The following TEAD4 variants were observed in gnomAD, a reference collection of about 807,000 sequenced individuals.
The protein encoded by TEAD4 is transcriptional enhancer factor TEF-3.
In TEAD4, 36 loss-of-function variants were observed where a neutral mutation model predicts 52.4. The observed-to-expected ratio is 0.69, with a 90% CI of 0.53 to 0.91. The LOEUF is 0.91. TEAD4 is among the 40% of genes least tolerant of loss of function. TEAD4 has a pLI of 0.00. For synonymous variants in TEAD4, 220 were observed against 231.0 expected (o/e 0.95, Z 0.43); for missense variants, 508 against 583.9 (o/e 0.87, Z 1.34).
intron 2 of TEAD4, among the ~76,000 whole-genome samples, chr12:2,983,044 C>G (rs1324672778): frequency 6.6e-6 from 1 of 152,120 alleles, no homozygotes; most frequent in Non-Finnish European, 1.5e-5. Flanking sequence ...CTTTCCGTCT[C>G]CTGACATCCT....
chr12:3,025,601 A>G (rs1044402432), intron 10 of TEAD4, among the ~76,000 whole-genome samples: 11 of 152,006 alleles, frequency 7.2e-5, no homozygotes, highest in Middle Eastern at 3.4e-3. Context: ...CAGTGGCGCA[A>G]TCTTGGCTTA....
In TEAD4 at chr12:3,011,004, G is replaced by T; in HGVS notation, c.227G>T (p.Gly76Val). Residue 76 changes from glycine (G) to valine (V), a missense_variant and splice_region_variant, in exon 4 of 13, where the codon GGT becomes GTT. Gly to Val is a moderately radical substitution (Grantham distance 109). Coordinates refer to ENST00000359864, the MANE Select transcript of TEAD4 (RefSeq NM_003213.4). ...TGAGAGGCTGCTGGTGTCTCTGCAGGTCGGAACGAGCTGATTGCCCGCTAC... is the reference window on the plus strand; with the variant it reads ...TGAGAGGCTGCTGGTGTCTCTGCAGTTCGGAACGAGCTGATTGCCCGCTAC... 6.2e-7 allele frequency: 1 copy of T among 1,614,120 alleles called. No homozygotes were observed. Among genetic ancestry groups the T allele is most frequent in the Non-Finnish European group, 8.5e-7 (1 of 1,180,002 alleles).
chr12:2,999,639 C>T (rs1384377163), intron 3 of TEAD4, among the ~76,000 whole-genome samples: 1 of 152,236 alleles, frequency 6.6e-6, no homozygotes, highest in Non-Finnish European at 1.5e-5. Flanking sequence ...CCTTCTCCTG[C>T]TCACGGCCGC....
Position 3,040,579 on chromosome 12 carries a change from T to C in TEAD4, c.*101T>C, listed in dbSNP as rs938165904. 1 of 1,047,762 alleles carries C rather than the reference T, an allele frequency of 9.5e-7. No homozygotes were observed. Among genetic ancestry groups the C allele is most frequent in the Admixed American group, 2.1e-5 (1 of 48,666 alleles). 64.9% of individuals were successfully genotyped at this position (1,047,762 alleles called of 1,614,324 possible). A position where few individuals can be genotyped will look rare whatever the true frequency, so the allele number is the denominator to read the frequency against. Reference sequence around the variant, plus strand: ...CAGCCCCCTGAAGTGCCAAGAGAGCTGAGAGGAGCAGTTGTGACTCTACCC... The same window carrying C: ...CAGCCCCCTGAAGTGCCAAGAGAGCCGAGAGGAGCAGTTGTGACTCTACCC... On this transcript the variant is annotated 3_prime_UTR_variant, in exon 13 of 13. Transcript: ENST00000359864.
chr12:2,996,295 G>A (rs1331681470), intron 3 of TEAD4, among the ~76,000 whole-genome samples: 1 of 152,140 alleles, frequency 6.6e-6, no homozygotes, highest in African/African-American at 2.4e-5. Context: ...ATTGTTGCTT[G>A]GCTCGGCTTC....
At chr12:3,029,432 G>A (rs956973496) in intron 10 of TEAD4, among the ~76,000 whole-genome samples, 12 of 152,108 alleles carry the variant, frequency 7.9e-5, no homozygotes, top group African/African-American at 2.9e-4. Context: ...TAGAGACGGG[G>A]TTTCACTGTG....
intron 10 of TEAD4, among the ~76,000 whole-genome samples, chr12:3,030,054 T>C (rs1343943557): frequency 6.6e-6 from 1 of 152,198 alleles, no homozygotes; most frequent in Non-Finnish European, 1.5e-5. Context: ...ATGCTGGCTT[T>C]CACTTAACTC....
chr12:2,971,847 C>CT (rs2098225416), intron 2 of TEAD4, among the ~76,000 whole-genome samples: 1 of 130,940 alleles, frequency 7.6e-6, no homozygotes, highest in Non-Finnish European at 1.6e-5. Context: ...AAGTTTCACT[C>CT]TATCACCCAG....
rs1383690211 is a variant in TEAD4, at chr12:2,994,933, C to A, written c.167C>A (p.Ala56Asp). 6.2e-7 allele frequency: 1 copy of A among 1,614,182 alleles called. No homozygotes were observed. Among genetic ancestry groups the A allele is most frequent in the Non-Finnish European group, 8.5e-7 (1 of 1,180,034 alleles). ...GAGCAGAGTTTCCAGGAGGCCCTCG[C>A]CATCTACCCGCCCTGTGGCAGGCGC... is the stretch of plus-strand genomic sequence containing the variant. The change falls in exon 3 of 13, where the codon GCC (alanine) becomes GAC (aspartate). Residue 56 changes from alanine to aspartate, a missense_variant. By Grantham distance (126) the Ala-to-Asp change is moderately radical (BLOSUM62 -2). Transcript: ENST00000359864. This position sits in a 1 kb window ranked among gnomAD's most constrained non-coding sequence, Gnocchi z 4.7.
At chr12:3,015,162 G>A (rs2098263457) in intron 5 of TEAD4, among the ~76,000 whole-genome samples, 1 of 152,130 alleles carries the variant, frequency 6.6e-6, no homozygotes, top group South Asian at 2.1e-4. Context: ...TCACTGCTTT[G>A]TCCACATCGA....
intron 2 of TEAD4, among the ~76,000 whole-genome samples, chr12:2,962,339 TATA>T (rs1565518267): frequency 2.3e-4 from 26 of 112,822 alleles, no homozygotes; most frequent in African/African-American, 8.1e-4. Flanking sequence ...TATAAATATA[TATA>T]TATATTTTTT....
At chr12:3,003,526 G>T (rs2159409) in intron 3 of TEAD4, among the ~76,000 whole-genome samples, 3 of 151,954 alleles carry the variant, frequency 2.0e-5, no homozygotes, top group Non-Finnish European at 2.9e-5. Context: ...GTGTGTGTGA[G>T]GCTGAGTGTG....
intron 2 of TEAD4, among the ~76,000 whole-genome samples, chr12:2,960,989 C>G (rs73246935): frequency 0.059 from 8,968 of 152,002 alleles, 872 homozygotes; most frequent in African/African-American, 0.2. Context: ...GGCTGACTTT[C>G]TCAGGGCGAG....
chr12:3,001,401 T>G (rs1288878196), intron 3 of TEAD4, among the ~76,000 whole-genome samples: 1 of 152,134 alleles, frequency 6.6e-6, no homozygotes, highest in African/African-American at 2.4e-5. Context: ...AATTCCCCAT[T>G]CCCCTCTGCC....
At chr12:2,968,083 CTTTTTTT>C (rs34430154) in intron 2 of TEAD4, among the ~76,000 whole-genome samples, 14,700 of 111,982 alleles carry the variant, frequency 0.13, 2,521 homozygotes, top group African/African-American at 0.4. Context: ...ACATGTGGGT[CTTTTTTT>C]TTTTTTTTTT....
intron 3 of TEAD4, among the ~76,000 whole-genome samples, chr12:3,005,864 C>G (rs1172609063): frequency 6.6e-6 from 1 of 152,086 alleles, no homozygotes. Flanking sequence ...TCTTGAATTC[C>G]TGGGCTTGGG....
At chr12:3,032,954 C>T (rs986752717) in intron 10 of TEAD4, among the ~76,000 whole-genome samples, 1 of 152,240 alleles carries the variant, frequency 6.6e-6, no homozygotes, top group Non-Finnish European at 1.5e-5. Context: ...TCTTCTGCTC[C>T]CTGGCCTGGT....
At chr12:3,035,411 T>C (rs574637221) in intron 10 of TEAD4, among the ~76,000 whole-genome samples, 1 of 152,304 alleles carries the variant, frequency 6.6e-6, no homozygotes, top group African/African-American at 2.4e-5. Flanking sequence ...TTGTTCACAT[T>C]TTTGCCCTGT....
chr12:3,030,305 G>A (rs1238931288), intron 10 of TEAD4, among the ~76,000 whole-genome samples: 2 of 152,178 alleles, frequency 1.3e-5, no homozygotes, highest in African/African-American at 4.8e-5. Flanking sequence ...CCAAAGTAAT[G>A]GGATTACGGG....
Sources: allele counts gnomAD v4.1 joint callset (sites outside exome capture counted in the v4.1 genomes callset), GRCh38; gene constraint gnomAD v4.1.1; non-coding constraint Gnocchi (gnomAD v3.1); transcripts MANE v1.5; gene names NCBI Gene and HGNC (gene_info 2026-07-23, HGNC 2026-07-21).